The following ADCY9 variants were observed in gnomAD, a reference collection of about 807,000 sequenced individuals.
ADCY9 encodes the protein adenylate cyclase type 9.
A neutral mutation model predicts 101.5 loss-of-function variants in ADCY9; 50 were observed. The ratio of observed to expected loss-of-function variants is 0.49; its 90% CI spans 0.39 to 0.62. ADCY9 has a LOEUF of 0.62. Among genes scored for constraint, ADCY9 ranks in the 20% least tolerant of loss-of-function variants. The probability of loss-of-function intolerance (pLI) is 0.00; values close to 1 mark genes in which losing one functional copy is unlikely to be tolerated. For synonymous variants in ADCY9, 905 were observed against 769.3 expected, an observed-to-expected ratio of 1.18 and a Z score of -2.92; for missense variants, 1,662 against 1,800.4, an observed-to-expected ratio of 0.92 and a Z score of 1.39.
chr16:3,991,759 C>T (rs12927227), intron 5 of ADCY9, among the ~76,000 whole-genome samples: 85,822 of 121,068 alleles, frequency 0.71, 29,549 homozygotes, highest in South Asian at 0.77. Flanking sequence ...AGACCTAGTC[C>T]TTATAAAAAA....
At chr16:4,042,969 C>T (rs141161702) in intron 2 of ADCY9, among the ~76,000 whole-genome samples, 2 of 152,346 alleles carry the variant, frequency 1.3e-5, no homozygotes, top group East Asian at 3.9e-4. Flanking sequence ...CAGTGGCTCA[C>T]GCCTGTAATC....
At chr16:4,092,139 G>A (rs1032013822) in intron 2 of ADCY9, among the ~76,000 whole-genome samples, 1 of 152,092 alleles carries the variant, frequency 6.6e-6, no homozygotes, top group Non-Finnish European at 1.5e-5. Context: ...GTGTGGTGGC[G>A]GGTGCCTGTA....
intron 2 of ADCY9, among the ~76,000 whole-genome samples, chr16:4,110,625 G>C (rs2057108081): frequency 6.6e-6 from 1 of 152,056 alleles, no homozygotes; most frequent in Non-Finnish European, 1.5e-5. Flanking sequence ...CATGACCACA[G>C]GTGATCCACC....
intron 10 of ADCY9, among the ~76,000 whole-genome samples, chr16:3,971,681 C>T (rs535635166): frequency 5.3e-4 from 81 of 152,248 alleles, no homozygotes; most frequent in African/African-American, 1.8e-3. Context: ...GTGAGCCCCG[C>T]TCGTTGGGTT....
chr16:4,000,116 T>A (rs1218352612), intron 3 of ADCY9, among the ~76,000 whole-genome samples: 1 of 152,176 alleles, frequency 6.6e-6, no homozygotes, highest in Non-Finnish European at 1.5e-5. Context: ...CAAAATGATG[T>A]TAACATGGTG....
chr16:4,076,991 C>T (rs1165594053), intron 2 of ADCY9, among the ~76,000 whole-genome samples: 2 of 151,568 alleles, frequency 1.3e-5, no homozygotes, highest in African/African-American at 4.9e-5. Context: ...GAAGGAGAAT[C>T]GCTTGAACCT....
At chr16:4,048,010 G>A (rs780329534) in intron 2 of ADCY9, among the ~76,000 whole-genome samples, 1 of 152,014 alleles carries the variant, frequency 6.6e-6, no homozygotes. Flanking sequence ...CTTCTGTGAC[G>A]TCCCCTTCAG....
chr16:3,989,886 G>A (rs1158704687), intron 5 of ADCY9, among the ~76,000 whole-genome samples: 2 of 152,146 alleles, frequency 1.3e-5, no homozygotes, highest in Non-Finnish European at 2.9e-5. Flanking sequence ...AAGCTAACAG[G>A]TTGTTATCAC....
At chr16:4,007,848 T>C (rs1167095139) in intron 2 of ADCY9, among the ~76,000 whole-genome samples, 1 of 152,008 alleles carries the variant, frequency 6.6e-6, no homozygotes, top group East Asian at 1.9e-4. Flanking sequence ...AAAAAGTTCC[T>C]CCATGAAAGG....
chr16:3,972,234 CTTTTT>C (rs34224958), intron 10 of ADCY9, among the ~76,000 whole-genome samples: 2 of 144,610 alleles, frequency 1.4e-5, no homozygotes, highest in East Asian at 4.0e-4. Context: ...TTTTTCTTTT[CTTTTT>C]TTTTTTTTGA....
At chr16:3,956,888 G>A (rs1460517244) in intron 5 of ADCY9, among the ~76,000 whole-genome samples, 6 of 152,042 alleles carry the variant, frequency 3.9e-5, no homozygotes, top group Non-Finnish European at 5.9e-5. Context: ...TGTAGACACC[G>A]AGTTGAGGAT....
At chr16:4,038,045 G>A (rs1346826408) in intron 2 of ADCY9, among the ~76,000 whole-genome samples, 2 of 152,192 alleles carry the variant, frequency 1.3e-5, no homozygotes, top group Non-Finnish European at 2.9e-5. Context: ...AGGCTGAGGT[G>A]GAAGAATCAC....
chr16:4,082,614 GCACA>G (rs1305926274), intron 2 of ADCY9, among the ~76,000 whole-genome samples: 1 of 149,676 alleles, frequency 6.7e-6, no homozygotes, highest in Non-Finnish European at 1.5e-5. Flanking sequence ...ATGCAAGCAC[GCACA>G]CACACATGCA....
At chr16:3,991,763 T>TA (rs55746006) in intron 5 of ADCY9, among the ~76,000 whole-genome samples, 10,567 of 90,096 alleles carry the variant, frequency 0.12, 462 homozygotes, top group Admixed American at 0.15. Flanking sequence ...CTAGTCCTTA[T>TA]AAAAAAAAAA....
At chr16:3,999,578 C>T (rs1013407925) in intron 3 of ADCY9, among the ~76,000 whole-genome samples, 1 of 152,202 alleles carries the variant, frequency 6.6e-6, no homozygotes, top group Non-Finnish European at 1.5e-5. Flanking sequence ...TTCCAAGCAG[C>T]ACCCTGGGCC....
intron 2 of ADCY9, among the ~76,000 whole-genome samples, chr16:4,021,892 A>G (rs568246520): frequency 1.3e-5 from 2 of 152,270 alleles, no homozygotes; most frequent in East Asian, 3.9e-4. Flanking sequence ...TGGAAACTCG[A>G]CGGCAAGCCA....
intron 2 of ADCY9, among the ~76,000 whole-genome samples, chr16:4,022,624 AT>A (rs942232690): frequency 2.6e-5 from 4 of 151,564 alleles, no homozygotes; most frequent in African/African-American, 4.8e-5. Flanking sequence ...ACCTGCAGCA[AT>A]TTTTTTTAAA....
At chr16:4,074,329 G>A (rs367733011) in intron 2 of ADCY9, among the ~76,000 whole-genome samples, 35 of 151,650 alleles carry the variant, frequency 2.3e-4, no homozygotes, top group Admixed American at 5.3e-4. Context: ...TGTAAATTTC[G>A]GGCAATGACT....
At chr16:4,059,578 C>A (rs901189403) in intron 2 of ADCY9, among the ~76,000 whole-genome samples, 2 of 151,934 alleles carry the variant, frequency 1.3e-5, no homozygotes, top group Admixed American at 1.3e-4. Flanking sequence ...CAAAGACATA[C>A]AAAAAATTGA....
Sources: allele counts gnomAD v4.1 joint callset (sites outside exome capture counted in the v4.1 genomes callset), GRCh38; gene constraint gnomAD v4.1.1; transcripts MANE v1.5; gene names NCBI Gene and HGNC (gene_info 2026-07-23, HGNC 2026-07-21).